The following SPIDR variants were observed in gnomAD, a reference collection of about 807,000 sequenced individuals.
SPIDR encodes DNA repair-scaffolding protein.
SPIDR carries 93 observed loss-of-function variants against 104.6 expected under a neutral mutation model. The ratio of observed to expected loss-of-function variants is 0.89; its 90% CI spans 0.75 to 1.06. The LOEUF is 1.06. Ranked by LOEUF, SPIDR falls within the 50% of genes least tolerant of loss-of-function variation. The pLI, the probability that SPIDR is intolerant of heterozygous loss-of-function variation, is 0.00. For missense variants in SPIDR, 1,154 were observed against 1,111.2 expected (o/e 1.04, Z -0.55); for synonymous variants, 431 against 416.9 (o/e 1.03, Z -0.41).
At chr8:47,398,318 G>A (rs1245466590) in intron 6 of SPIDR, among the ~76,000 whole-genome samples, 1 of 152,204 alleles carries the variant, frequency 6.6e-6, no homozygotes, top group Non-Finnish European at 1.5e-5. Flanking sequence ...CAAGCAAAGT[G>A]GAATGGTTGC....
At chr8:47,272,574 G>C (rs775624270) in intron 1 of SPIDR, among the ~76,000 whole-genome samples, 1 of 152,132 alleles carries the variant, frequency 6.6e-6, no homozygotes, top group Non-Finnish European at 1.5e-5. Context: ...CATATGCTTT[G>C]GCAATTTGTA....
intron 5 of SPIDR, among the ~76,000 whole-genome samples, chr8:47,316,090 A>G (rs1204287106): frequency 6.6e-6 from 1 of 152,218 alleles, no homozygotes; most frequent in Admixed American, 6.5e-5. Flanking sequence ...GACTATGTAA[A>G]GAAATTCTAC....
chr8:47,515,394 G>A (rs1445374266), intron 8 of SPIDR, among the ~76,000 whole-genome samples: 2 of 152,114 alleles, frequency 1.3e-5, no homozygotes, highest in Non-Finnish European at 2.9e-5. Context: ...TGATAATTCT[G>A]TCTTGAGAAT....
chr8:47,570,646 G>T (rs1003388665), intron 8 of SPIDR, among the ~76,000 whole-genome samples: 12 of 152,106 alleles, frequency 7.9e-5, no homozygotes, highest in African/African-American at 2.7e-4. Context: ...GGGAGTATAT[G>T]CAGATCATAT....
intron 1 of SPIDR, among the ~76,000 whole-genome samples, chr8:47,268,117 A>G (rs2034478992): frequency 6.6e-6 from 1 of 152,134 alleles, no homozygotes; most frequent in African/African-American, 2.4e-5. Context: ...TTGTCTTGGC[A>G]CTTTTTTGTT....
chr8:47,554,491 G>A (rs768917935), intron 8 of SPIDR, among the ~76,000 whole-genome samples: 12 of 152,188 alleles, frequency 7.9e-5, no homozygotes, highest in East Asian at 3.8e-4. Flanking sequence ...CTTGCAGTTC[G>A]ATCTCAGACT....
intron 7 of SPIDR, among the ~76,000 whole-genome samples, chr8:47,415,709 G>A (rs1554674859): frequency 6.6e-6 from 1 of 152,144 alleles, no homozygotes; most frequent in African/African-American, 2.4e-5. Flanking sequence ...CGTTGATCTT[G>A]GACTTCCCAG....
chr8:47,443,963 A>G (rs1554699348), intron 8 of SPIDR, among the ~76,000 whole-genome samples: 1 of 152,196 alleles, frequency 6.6e-6, no homozygotes, highest in African/African-American at 2.4e-5. Context: ...AGATAGAAGT[A>G]AAATGTCTTG....
At chr8:47,510,003 C>G (rs1268643150) in intron 8 of SPIDR, among the ~76,000 whole-genome samples, 1 of 152,152 alleles carries the variant, frequency 6.6e-6, no homozygotes, top group African/African-American at 2.4e-5. Flanking sequence ...TGTGTCATGT[C>G]AAATGTTGAT....
intron 11 of SPIDR, among the ~76,000 whole-genome samples, chr8:47,684,265 A>T (rs909906159): frequency 6.6e-6 from 1 of 151,802 alleles, no homozygotes; most frequent in African/African-American, 2.4e-5. Flanking sequence ...TTCCTCCCTC[A>T]CTCCACTACC....
chr8:47,717,545 T>A (rs1366780244), intron 16 of SPIDR, among the ~76,000 whole-genome samples: 1 of 152,178 alleles, frequency 6.6e-6, no homozygotes, highest in Admixed American at 6.5e-5. Flanking sequence ...CAGAGGCAGA[T>A]CCTCACCTTT....
intron 14 of SPIDR, among the ~76,000 whole-genome samples, chr8:47,711,458 C>G (rs962969546): frequency 6.6e-6 from 1 of 151,942 alleles, no homozygotes; most frequent in South Asian, 2.1e-4. Context: ...TGAGCTCAAG[C>G]GATGCCCTCA....
chr8:47,468,533 AC>A (rs2075240333), intron 8 of SPIDR, among the ~76,000 whole-genome samples: 1 of 152,072 alleles, frequency 6.6e-6, no homozygotes, highest in Non-Finnish European at 1.5e-5. Flanking sequence ...AGAATAAACA[AC>A]CCAAAAATAA....
At chr8:47,671,631 A>T (rs1328985319) in intron 10 of SPIDR, among the ~76,000 whole-genome samples, 2 of 145,076 alleles carry the variant, frequency 1.4e-5, no homozygotes, top group African/African-American at 5.2e-5. Flanking sequence ...TACAAATAAA[A>T]AAATTAAAAT....
intron 5 of SPIDR, among the ~76,000 whole-genome samples, chr8:47,318,166 A>C (rs1032731797): frequency 5.8e-4 from 88 of 152,204 alleles, no homozygotes; most frequent in Non-Finnish European, 1.9e-4. Flanking sequence ...AGGAAGTTCG[A>C]ACCCATGGCA....
At chr8:47,726,570 A>G (rs564911558) in intron 16 of SPIDR, among the ~76,000 whole-genome samples, 1 of 152,164 alleles carries the variant, frequency 6.6e-6, no homozygotes, top group Non-Finnish European at 1.5e-5. Flanking sequence ...CAGCCCTGCC[A>G]TGGTGTGCAG....
At chr8:47,469,398 T>C (rs1329820263) in intron 8 of SPIDR, among the ~76,000 whole-genome samples, 1 of 152,172 alleles carries the variant, frequency 6.6e-6, no homozygotes. Context: ...TAAATCATTC[T>C]ACCATAAAGA....
chr8:47,315,288 G>A (rs1319435709), intron 5 of SPIDR, among the ~76,000 whole-genome samples: 1 of 152,016 alleles, frequency 6.6e-6, no homozygotes, highest in Admixed American at 6.6e-5. Flanking sequence ...CACATGATAT[G>A]CATACCGAGA....
chr8:47,436,869 T>G (rs1206155351), intron 7 of SPIDR, among the ~76,000 whole-genome samples: 1 of 152,152 alleles, frequency 6.6e-6, no homozygotes, highest in Non-Finnish European at 1.5e-5. Flanking sequence ...TAGAAAGAGC[T>G]TTAGAATGCT....
Sources: gnomAD v4.1 joint callset for allele counts (sites outside exome capture counted in the v4.1 genomes callset) on GRCh38, gnomAD v4.1.1 for gene constraint, MANE v1.5 for transcripts, NCBI Gene and HGNC (gene_info 2026-07-23, HGNC 2026-07-21) for gene names.